The following ALPK2 variants were observed in gnomAD, a reference collection of about 807,000 sequenced individuals.
ALPK2 encodes the protein alpha kinase 2.
Under a neutral mutation model 163.1 loss-of-function variants are expected in ALPK2, and 127 were observed. The observed-to-expected ratio is 0.78, with a 90% CI of 0.67 to 0.90. The LOEUF is 0.90. Ranked by LOEUF, ALPK2 falls within the 40% of genes least tolerant of loss-of-function variation. The probability of loss-of-function intolerance (pLI) is 0.00; values close to 1 mark genes in which losing one functional copy is unlikely to be tolerated. For synonymous variants in ALPK2, 953 were observed against 959.1 expected (o/e 0.99, Z 0.12); for missense variants, 2,360 against 2,589.6 (o/e 0.91, Z 1.92).
intron 1 of ALPK2, among the ~76,000 whole-genome samples, chr18:58,618,565 C>T (rs1014961990): frequency 6.6e-6 from 1 of 152,290 alleles, no homozygotes; most frequent in East Asian, 1.9e-4. Flanking sequence ...GAATTTGAGT[C>T]AGTCTATGTA....
intron 4 of ALPK2, among the ~76,000 whole-genome samples, chr18:58,540,608 C>T (rs567084958): frequency 1.3e-5 from 2 of 152,258 alleles, no homozygotes; most frequent in Middle Eastern, 6.8e-3. Context: ...GCACAGAAAA[C>T]ATGGGGAACT....
At chr18:58,565,409 T>C (rs1185370460) in intron 4 of ALPK2, among the ~76,000 whole-genome samples, 2 of 152,364 alleles carry the variant, frequency 1.3e-5, no homozygotes, top group East Asian at 1.9e-4. Flanking sequence ...TACTGTACTT[T>C]TAATTTTTTT....
intron 4 of ALPK2, chr18:58,557,054 G>C (rs560107501): frequency 6.6e-6 from 1 of 152,364 alleles, no homozygotes; most frequent in Non-Finnish European, 1.5e-5. Context: ...AGGCAGGGTG[G>C]CATGTTGTTT....
chr18:58,551,366 C>T (rs1399927630), intron 4 of ALPK2, among the ~76,000 whole-genome samples: 1 of 152,178 alleles, frequency 6.6e-6, no homozygotes, highest in Non-Finnish European at 1.5e-5. Flanking sequence ...CCTGTAGATG[C>T]ATCACTCCAG....
In ALPK2 at chr18:58,578,733, G is replaced by GACAC. The variant is rs71173065; in HGVS notation, c.1962+77_1962+80dup. 2,419 of 532,632 alleles carry GACAC rather than the reference G, an allele frequency of 4.5e-3. 27 individuals are homozygous for GACAC. Among genetic ancestry groups the GACAC allele is most frequent in the East Asian group, 0.016 (400 of 24,406 alleles). 33.0% of individuals were successfully genotyped at this position (532,632 alleles called of 1,614,324 possible). On this transcript the variant is annotated intron_variant, in intron 4 of 12. Coordinates refer to ENST00000361673, the MANE Select transcript of ALPK2 (RefSeq NM_052947.4). ...ATTGTGAATGTGAAGTAAAGGAAGAGACACACACACACACACACACACACA... is the reference window on the plus strand; with the variant it reads ...ATTGTGAATGTGAAGTAAAGGAAGAGACACACACACACACACACACACACACACA...
chr18:58,523,901 G>A (rs777344870), intron 7 of ALPK2, 34 bp downstream of exon 7: 1 of 1,614,108 alleles, frequency 6.2e-7, no homozygotes, highest in Non-Finnish European at 8.5e-7. Context: ...AACGGGCAGG[G>A]GCCAGTGGTT....
In ALPK2 at chr18:58,481,578, T is replaced by C; in HGVS notation, c.*245A>G. 1 of 535,714 alleles carries C rather than the reference T, an allele frequency of 1.9e-6. No individual in the cohort carries two copies. 33.2% of individuals were successfully genotyped at this position (535,714 alleles called of 1,614,324 possible). A position where few individuals can be genotyped will look rare whatever the true frequency, so the allele number is the denominator to read the frequency against. ...AAATGCTAAACATGTATATAAAGAA[T>C]GGACTGTCTTTGAGACCAATCGTTG... is the stretch of plus-strand genomic sequence containing the variant. On this transcript the variant is annotated 3_prime_UTR_variant, in exon 13 of 13. Transcript: ENST00000361673.
chr18:58,507,282 C>T (rs938761207), intron 10 of ALPK2, among the ~76,000 whole-genome samples: 8 of 152,134 alleles, frequency 5.3e-5, no homozygotes. Flanking sequence ...GAGACCTATG[C>T]ATGCAAAGAC....
At chr18:58,559,963 G>A (rs746890068) in intron 4 of ALPK2, among the ~76,000 whole-genome samples, 10 of 152,270 alleles carry the variant, frequency 6.6e-5, no homozygotes, top group Non-Finnish European at 1.0e-4. Flanking sequence ...TTTACAGTTC[G>A]GGAGGTCAGA....
intron 4 of ALPK2, among the ~76,000 whole-genome samples, chr18:58,561,748 G>A (rs1267624412): frequency 6.6e-6 from 1 of 152,176 alleles, no homozygotes; most frequent in Non-Finnish European, 1.5e-5. Flanking sequence ...ATTGGTGGAG[G>A]ACTTTCCTGA....
rs1181242858 is a variant in ALPK2 at position 58,579,040 on chromosome 18, T to A, written c.1736A>T (p.Asp579Val). 1 of 1,614,100 alleles carries A rather than the reference T, an allele frequency of 6.2e-7. No individual in the cohort carries two copies. Among genetic ancestry groups the A allele is most frequent in the Non-Finnish European group, 8.5e-7 (1 of 1,180,042 alleles). ...TGTGGTGTGAGAAGTCTCTCTTTTATCACTCTGGGTTAGTGGGGGCTCAGC... is the reference window on the plus strand; with the variant it reads ...TGTGGTGTGAGAAGTCTCTCTTTTAACACTCTGGGTTAGTGGGGGCTCAGC... Reference protein sequence around the residue: ...ESAEPPLTQSDKRETSHTTAA... With the variant: ...ESAEPPLTQSVKRETSHTTAA... Residue 579 changes from aspartate to valine, a missense_variant, in exon 4 of 13, where the codon GAT (aspartate) becomes GTT (valine). By Grantham distance (152) the Asp-to-Val change is radical. Transcript: ENST00000361673.
chr18:58,508,260 A>G (rs2051471571), intron 10 of ALPK2, among the ~76,000 whole-genome samples: 1 of 152,222 alleles, frequency 6.6e-6, no homozygotes, highest in Non-Finnish European at 1.5e-5. Context: ...CCAAATTTTC[A>G]GGGAGGCTGA....
At chr18:58,553,250 T>G (rs890839240) in intron 4 of ALPK2, among the ~76,000 whole-genome samples, 1 of 152,190 alleles carries the variant, frequency 6.6e-6, no homozygotes, top group Non-Finnish European at 1.5e-5. Flanking sequence ...ACCCCGGTTT[T>G]GGGTGCTTTG....
At position 58,535,149 on chromosome 18, in the gene ALPK2, A is replaced by T. The variant is rs373354784; in HGVS notation, c.5038T>A (p.Cys1680Ser). The T allele has an allele frequency of 1.2e-6, 2 of 1,613,992 alleles. No individual in the cohort carries two copies. The highest frequency in any genetic ancestry group is 1.7e-6 in the Non-Finnish European group (2 of 1,180,022). The stretch of plus-strand genomic sequence containing the variant: ...TCTCTCTCCCTGGACTTTTTCGCAC[A>T]GCCCAGGGTGCCCTTTTGACATGGA... The part of the protein sequence containing the change: ...QDPCQKGTLG[C>S]AKKSREREKS... Residue 1680 changes from cysteine to serine, a missense_variant, in exon 5 of 13, where the codon TGT becomes AGT. Physicochemically the swap from Cys to Ser is moderately radical, Grantham distance 112. Transcript: ENST00000361673.
intron 1 of ALPK2, among the ~76,000 whole-genome samples, chr18:58,618,762 A>T (rs1440559982): frequency 6.6e-6 from 1 of 152,210 alleles, no homozygotes; most frequent in African/African-American, 2.4e-5. Flanking sequence ...ATTTTGACTA[A>T]TCTGCATCCC....
At chr18:58,604,728 T>C (rs2052089300) in intron 3 of ALPK2, among the ~76,000 whole-genome samples, 1 of 152,218 alleles carries the variant, frequency 6.6e-6, no homozygotes. Flanking sequence ...GCCCAGGAGC[T>C]TGGAATGAGT....
chr18:58,600,025 A>ATT (rs1568097627), intron 3 of ALPK2, among the ~76,000 whole-genome samples: 3 of 82,916 alleles, frequency 3.6e-5, no homozygotes, highest in African/African-American at 4.7e-5. Flanking sequence ...CAATGGGGAT[A>ATT]TCTTTTTTTT....
chr18:58,571,170 C>T (rs1419010247), intron 4 of ALPK2, among the ~76,000 whole-genome samples: 3 of 151,940 alleles, frequency 2.0e-5, no homozygotes, highest in Admixed American at 6.6e-5. Context: ...TACAGGCAAG[C>T]GCCACCATGC....
chr18:58,497,900 G>T, intron 12 of ALPK2, 149 bp downstream of exon 12: 1 of 686,322 alleles, frequency 1.5e-6, no homozygotes, highest in South Asian at 1.9e-5. Flanking sequence ...TTTTATGTAA[G>T]TGAGAGAAAT....
Sources: allele counts gnomAD v4.1 joint callset (sites outside exome capture counted in the v4.1 genomes callset), GRCh38; gene constraint gnomAD v4.1.1; transcripts MANE v1.5; gene names NCBI Gene and HGNC (gene_info 2026-07-23, HGNC 2026-07-21).